PDE4D: variants seen among roughly 807,000 people sequenced by gnomAD.
PDE4D encodes phosphodiesterase 4D, also known as 3',5'-cyclic-AMP phosphodiesterase 4D.
In PDE4D, 24 loss-of-function variants were observed where a neutral mutation model predicts 87.4. That is an observed-to-expected ratio of 0.27 (90% CI 0.20 to 0.39). PDE4D has a LOEUF of 0.39. PDE4D is among the 10% of genes least tolerant of loss of function. PDE4D has a pLI of 1.00. For synonymous variants in PDE4D, 384 were observed against 383.2 expected (o/e 1.00, Z -0.02); for missense variants, 714 against 1,041.0 (o/e 0.69, Z 4.32).
chr5:60,390,532 A>G (rs1762489601), intron 1 of PDE4D, among the ~76,000 whole-genome samples: 1 of 151,908 alleles, frequency 6.6e-6, no homozygotes, highest in African/African-American at 2.4e-5. Flanking sequence ...AAAATGACTG[A>G]TCCATAAAAT....
intron 1 of PDE4D, among the ~76,000 whole-genome samples, chr5:59,244,983 G>T (rs1214423158): frequency 6.6e-6 from 1 of 151,774 alleles, no homozygotes; most frequent in African/African-American, 2.4e-5. Flanking sequence ...TTCCCAATTT[G>T]TCCACAATGA....
At chr5:59,795,638 A>C (rs1766379296) in intron 1 of PDE4D, among the ~76,000 whole-genome samples, 1 of 152,102 alleles carries the variant, frequency 6.6e-6, no homozygotes, top group Non-Finnish European at 1.5e-5. Flanking sequence ...TATTGGGCAG[A>C]AGGGAAACTT....
chr5:59,727,603 C>G (rs142923179), intron 1 of PDE4D, among the ~76,000 whole-genome samples: 2 of 152,066 alleles, frequency 1.3e-5, no homozygotes, highest in African/African-American at 4.8e-5. Flanking sequence ...ATCCTCAGAA[C>G]AGCTACTAAA....
chr5:59,592,137 C>T (rs902325139), intron 1 of PDE4D: 2 of 984,952 alleles, frequency 2.0e-6, no homozygotes, highest in Non-Finnish European at 2.4e-6. Context: ...CTCACCTTTA[C>T]AGAAAGCCAA....
intron 1 of PDE4D, among the ~76,000 whole-genome samples, chr5:59,698,870 CTG>C (rs1357732817): frequency 6.6e-6 from 1 of 152,168 alleles, no homozygotes; most frequent in Admixed American, 6.5e-5. Flanking sequence ...AACCTAATCT[CTG>C]TGTCTCTGAA....
intron 1 of PDE4D, chr5:59,275,500 C>A: frequency 6.7e-7 from 1 of 1,502,670 alleles, no homozygotes; most frequent in Non-Finnish European, 8.8e-7. Flanking sequence ...TATTCCATTT[C>A]CAAGGGAGGC....
At chr5:59,300,382 T>G (rs1019999581) in intron 1 of PDE4D, among the ~76,000 whole-genome samples, 2 of 152,116 alleles carry the variant, frequency 1.3e-5, no homozygotes, top group Non-Finnish European at 2.9e-5. Flanking sequence ...TACATGTGTG[T>G]GTGTACCTGA....
intron 3 of PDE4D, among the ~76,000 whole-genome samples, chr5:59,985,151 T>TTA (rs1762322826): frequency 1.5e-5 from 2 of 133,184 alleles, no homozygotes; most frequent in Non-Finnish European, 3.3e-5. Context: ...TTTTGTTTTT[T>TTA]ATTTTGAGAC....
At chr5:60,193,715 AG>A (rs1322596247) in intron 1 of PDE4D, among the ~76,000 whole-genome samples, 1 of 150,728 alleles carries the variant, frequency 6.6e-6, no homozygotes, top group Non-Finnish European at 1.5e-5. Flanking sequence ...AAAAAAGAAA[AG>A]AAAAAGCTGT....
chr5:59,817,143 T>C (rs1380753532), intron 1 of PDE4D, among the ~76,000 whole-genome samples: 1 of 152,202 alleles, frequency 6.6e-6, no homozygotes, highest in Admixed American at 6.5e-5. Context: ...GCAGGGCACC[T>C]AAATTCCCAG....
At chr5:60,097,287 G>T (rs1582635552) in intron 2 of PDE4D, among the ~76,000 whole-genome samples, 2 of 151,302 alleles carry the variant, frequency 1.3e-5, no homozygotes, top group African/African-American at 4.9e-5. Context: ...GTGTGTGTGT[G>T]TTTAACAAAT....
At chr5:60,323,171 T>G (rs1756469873) in intron 1 of PDE4D, among the ~76,000 whole-genome samples, 1 of 152,208 alleles carries the variant, frequency 6.6e-6, no homozygotes, top group Non-Finnish European at 1.5e-5. Context: ...CCTGTACACT[T>G]ATGATACACA....
At chr5:59,518,748 G>T (rs975691938) in intron 1 of PDE4D, among the ~76,000 whole-genome samples, 11 of 152,074 alleles carry the variant, frequency 7.2e-5, no homozygotes, top group African/African-American at 2.7e-4. Context: ...GATTTTTGTT[G>T]TTTCTGCATC....
Position 59,078,865 on chromosome 5 carries a change from T to A in PDE4D, c.809-39894A>T, listed in dbSNP as rs575435843. Among the ~76,000 whole-genome samples the A allele has an allele frequency of 3.9e-5, 6 of 152,304 alleles. No homozygotes were observed. The South Asian group carries it at 1.2e-3, about 32-fold the overall frequency. ...AGGTCATGTGAGCTTTGCCCTGATG[T>A]AAGGGTTAATCCTGTTATCACTGGA... is the stretch of plus-strand genomic sequence containing the variant. On this transcript the variant is annotated intron_variant, in intron 5 of 14. Coordinates refer to ENST00000340635, the MANE Select transcript of PDE4D (RefSeq NM_001104631.2).
chr5:59,493,191 C>T (rs1458604912), intron 1 of PDE4D, among the ~76,000 whole-genome samples: 2 of 152,088 alleles, frequency 1.3e-5, no homozygotes, highest in African/African-American at 4.8e-5. Context: ...AAAATATACA[C>T]TGGGGACCCA....
chr5:59,448,801 A>AT (rs1173173050), intron 1 of PDE4D, among the ~76,000 whole-genome samples: 2 of 151,932 alleles, frequency 1.3e-5, no homozygotes, highest in African/African-American at 2.4e-5. Flanking sequence ...CCCAGCTAAT[A>AT]TTTTTTTAAA....
chr5:58,982,787 C>A (rs1053007590), intron 11 of PDE4D, among the ~76,000 whole-genome samples: 1 of 152,138 alleles, frequency 6.6e-6, no homozygotes, highest in Non-Finnish European at 1.5e-5. Context: ...CCACTTTGTT[C>A]TTAGCATGTT....
intron 5 of PDE4D, among the ~76,000 whole-genome samples, chr5:59,133,157 C>T (rs1346886122): frequency 5.9e-5 from 9 of 151,998 alleles, no homozygotes. Flanking sequence ...GCATGAAACA[C>T]AAAATGAAAA....
chr5:59,623,230 C>T (rs1200696943), intron 1 of PDE4D, among the ~76,000 whole-genome samples: 1 of 152,172 alleles, frequency 6.6e-6, no homozygotes, highest in African/African-American at 2.4e-5. Context: ...ACCCTACCCT[C>T]TCACTTTCCT....
Sources: allele counts gnomAD v4.1 joint callset (sites outside exome capture counted in the v4.1 genomes callset), GRCh38; gene constraint gnomAD v4.1.1; transcripts MANE v1.5; gene names NCBI Gene and HGNC (gene_info 2026-07-23, HGNC 2026-07-21).